The following PTGR1 variants were observed in gnomAD, a reference collection of about 807,000 sequenced individuals.
The protein encoded by PTGR1 is prostaglandin reductase 1, also known as 15-oxoprostaglandin 13-reductase.
PTGR1 carries 23 observed loss-of-function variants against 37.7 expected under a neutral mutation model. The observed-to-expected ratio is 0.61, with a 90% CI of 0.44 to 0.86. PTGR1 has a LOEUF of 0.86. Ranked by LOEUF, PTGR1 falls within the 40% of genes least tolerant of loss-of-function variation. PTGR1 has a pLI of 0.00. For missense variants in PTGR1, 351 were observed against 394.3 expected (o/e 0.89, Z 0.93); for synonymous variants, 134 against 140.0 (o/e 0.96, Z 0.30).
At chr9:111,577,497 C>T (rs1829110222) in intron 7 of PTGR1, 1 of 152,146 alleles carries the variant, frequency 6.6e-6, no homozygotes, top group East Asian at 1.9e-4. Context: ...CACACAAAAA[C>T]CTCTGCATGA....
Position 111,578,906 on chromosome 9 carries a change from A to G in PTGR1, c.541T>C (p.Tyr181His), listed in dbSNP as rs1282139408. The G allele has an allele frequency of 2.5e-6, 4 of 1,612,870 alleles. No homozygotes were observed. Among genetic ancestry groups the G allele is most frequent in the African/African-American group, 1.3e-5 (1 of 74,742 alleles). ...GAVGSDEKVA[Y>H]LQKLGFDVVF... ...ACATCAAATCCAAGCTTTTGAAGGT[A>G]GGCAACCTTTTCATCAGACCCTACT... Residue 181 changes from tyrosine to histidine, a missense_variant, in exon 7 of 10, where the codon TAC becomes CAC. Transcript: ENST00000407693.
At chr9:111,576,494 C>T (rs1829060987) in intron 7 of PTGR1, 13 of 1,586,958 alleles carry the variant, frequency 8.2e-6, no homozygotes, top group Non-Finnish European at 1.1e-5. Context: ...GTTCAAGAGG[C>T]TCTGGTTCGG....
rs185415003 is a variant in PTGR1 at position 111,599,083 on chromosome 9, G to A, written c.-11+520C>T. 2.2e-3 allele frequency among the ~76,000 whole-genome samples: 333 copies of A among 152,210 alleles called. 1 individual carries two copies. Among genetic ancestry groups the A allele is most frequent in the East Asian group, 5.6e-3 (29 of 5,148 alleles). On this transcript the variant is annotated intron_variant, in intron 1 of 9. Transcript: ENST00000407693. ...CGCTGGGCTTCCAAACTCGCTACAAGTCCAGAAGCCCTCCTGGAAAGGGTC... is the reference window on the plus strand; with the variant it reads ...CGCTGGGCTTCCAAACTCGCTACAAATCCAGAAGCCCTCCTGGAAAGGGTC...
At chr9:111,550,225 G>A (rs1827901377) in intron 9 of PTGR1, among the ~76,000 whole-genome samples, 1 of 152,146 alleles carries the variant, frequency 6.6e-6, no homozygotes, top group Non-Finnish European at 1.5e-5. Flanking sequence ...TAGATACACA[G>A]TTTTTTGAAT....
At chr9:111,554,867 AC>A (rs1828076216) in intron 9 of PTGR1, among the ~76,000 whole-genome samples, 1 of 152,238 alleles carries the variant, frequency 6.6e-6, no homozygotes, top group Non-Finnish European at 1.5e-5. Flanking sequence ...CTCAGGGTCT[AC>A]AACTGAAGTC....
chr9:111,585,058 A>G (rs553055898), intron 5 of PTGR1, among the ~76,000 whole-genome samples: 2 of 150,506 alleles, frequency 1.3e-5, no homozygotes, highest in Admixed American at 1.3e-4. Flanking sequence ...TTCTGCATTA[A>G]AAAAAAAAAC....
At chr9:111,561,488 C>T (rs1273601537), downstream of PTGR1, among the ~76,000 whole-genome samples, 1 of 152,132 alleles carries the variant, frequency 6.6e-6, no homozygotes, top group African/African-American at 2.4e-5. Flanking sequence ...TGGTCTCAAA[C>T]TCCTGGACTC....
chr9:111,585,559 A>G (rs1829403714), intron 5 of PTGR1, among the ~76,000 whole-genome samples: 1 of 152,198 alleles, frequency 6.6e-6, no homozygotes, highest in South Asian at 2.1e-4. Context: ...GTCTAACTGA[A>G]ATTTTGTATC....
chr9:111,551,195 A>G (rs1206487252), intron 9 of PTGR1, among the ~76,000 whole-genome samples: 1 of 152,166 alleles, frequency 6.6e-6, no homozygotes, highest in Non-Finnish European at 1.5e-5. Context: ...AAGTATTGAG[A>G]CATTTTGTTT....
intron 9 of PTGR1, among the ~76,000 whole-genome samples, chr9:111,552,146 T>C (rs1003539058): frequency 1.3e-5 from 2 of 152,238 alleles, no homozygotes; most frequent in African/African-American, 2.4e-5. Flanking sequence ...TTTTTGTCTT[T>C]GATTGAATAT....
intron 6 of PTGR1, 60 bp from the exon 7 acceptor site, chr9:111,579,011 T>C: frequency 7.4e-6 from 11 of 1,488,688 alleles, no homozygotes; most frequent in Non-Finnish European, 9.9e-6. Flanking sequence ...GGACCAACAC[T>C]ACTTTCCTGG....
intron 2 of PTGR1, among the ~76,000 whole-genome samples, chr9:111,596,716 T>C (rs1378925840): frequency 2.0e-5 from 3 of 151,028 alleles, no homozygotes; most frequent in Non-Finnish European, 2.9e-5. Flanking sequence ...GAGCCGAGAT[T>C]GCTCCACTGC....
chr9:111,561,176 A>T (rs1828308741), downstream of PTGR1, among the ~76,000 whole-genome samples: 1 of 127,450 alleles, frequency 7.8e-6, no homozygotes, highest in African/African-American at 3.2e-5. Flanking sequence ...AGAGAGAGAG[A>T]GAAAGAGAGA....
At chr9:111,587,620 T>G (rs769126021) in intron 4 of PTGR1, among the ~76,000 whole-genome samples, 1 of 152,108 alleles carries the variant, frequency 6.6e-6, no homozygotes, top group Non-Finnish European at 1.5e-5. Flanking sequence ...CCCAGCTAAT[T>G]TTTGTATTTT....
chr9:111,572,252 A>G (rs943179603), intron 8 of PTGR1, among the ~76,000 whole-genome samples: 1 of 152,164 alleles, frequency 6.6e-6, no homozygotes, highest in Admixed American at 6.5e-5. Context: ...GAAGACCCAC[A>G]TCAACTATTC....
At chr9:111,561,146 AG>A (rs1482847388), downstream of PTGR1, among the ~76,000 whole-genome samples, 275 of 44,276 alleles carry the variant, frequency 6.2e-3, 12 homozygotes, top group African/African-American at 0.019. Flanking sequence ...GAGGAGAGAG[AG>A]GGAGAGAGAG....
chr9:111,594,079 A>G (rs1459525557), intron 3 of PTGR1, 143 bp downstream of exon 3: 1 of 864,570 alleles, frequency 1.2e-6, no homozygotes, highest in African/African-American at 1.7e-5. Flanking sequence ...ACGAGCGTGC[A>G]TGAATCTTAT....
rs201015425 is a variant in PTGR1, at chr9:111,578,831, C to A, written c.616G>T (p.Ala206Ser). The A allele has an allele frequency of 9.9e-5, 159 of 1,607,920 alleles. 2 individuals are homozygous for A. The highest frequency in any genetic ancestry group is 2.2e-4 in the South Asian group (20 of 89,700). Reference sequence around the variant, plus strand: ...TAACAATCATAACCATCAGGAGACGCTTTCTTCAAGGTTTCTTCCAAAGAC... The same window carrying A: ...TAACAATCATAACCATCAGGAGACGATTTCTTCAAGGTTTCTTCCAAAGAC... ...VESLEETLKK[A>S]SPDGYDCYFD... The change falls in exon 7 of 10, where the codon GCG (alanine) becomes TCG (serine). Residue 206 changes from alanine to serine, a missense_variant. Physicochemically the swap from Ala to Ser is moderately conservative, Grantham distance 99 (BLOSUM62 1). Coordinates refer to ENST00000407693, the MANE Select transcript of PTGR1 (RefSeq NM_001146108.2).
intron 7 of PTGR1, 84 bp downstream of exon 7, chr9:111,578,712 C>T: frequency 2.4e-6 from 3 of 1,251,618 alleles, no homozygotes; most frequent in Admixed American, 5.4e-5. Context: ...GGACCACTAA[C>T]CATCCATGGC....
Sources: allele counts gnomAD v4.1 joint callset (sites outside exome capture counted in the v4.1 genomes callset), GRCh38; gene constraint gnomAD v4.1.1; transcripts MANE v1.5; gene names NCBI Gene and HGNC (gene_info 2026-07-23, HGNC 2026-07-21).